NPAS4: variants seen among roughly 807,000 people sequenced by gnomAD.
NPAS4 encodes neuronal PAS domain protein 4, also known as neuronal PAS domain-containing protein 4.
NPAS4 carries 10 observed loss-of-function variants against 64.0 expected under a neutral mutation model. That is an observed-to-expected ratio of 0.16 (90% CI 0.10 to 0.26). The LOEUF (loss-of-function observed/expected upper bound fraction) is 0.26. Ranked by LOEUF, NPAS4 falls within the 10% of genes least tolerant of loss-of-function variation. NPAS4 has a pLI of 1.00. For missense variants in NPAS4, 886 were observed against 992.6 expected, an observed-to-expected ratio of 0.89 and a Z score of 1.44; for synonymous variants, 441 against 411.7, an observed-to-expected ratio of 1.07 and a Z score of -0.86.
In NPAS4 at chr11:66,426,096, G is replaced by A. The variant is rs1856835074; in HGVS notation, c.*107G>A. 1 of 587,170 alleles carries A rather than the reference G, an allele frequency of 1.7e-6. No homozygotes were observed. The highest frequency in any genetic ancestry group is 3.2e-6 in the Non-Finnish European group (1 of 317,234). The allele number at this position is 587,170 out of a possible 1,614,324, so 36.4% of individuals were successfully genotyped here. On this transcript the variant is annotated 3_prime_UTR_variant, in exon 8 of 8. Transcript: ENST00000311034. ...GGGGGGATTCTGAGGGCCAGAGGGG[G>A]ATATATATGATTCCCCAGGCCCTGC...
At chr11:66,414,418 C>T in the NPAS4 span, among the ~76,000 whole-genome samples, 1 of 152,152 alleles carries the variant, frequency 6.6e-6, no homozygotes. Flanking sequence ...CAGGACATTG[C>T]CCACAAAAGT....
At chr11:66,417,882 T>C (rs1188787299), upstream of NPAS4, among the ~76,000 whole-genome samples, 2 of 151,502 alleles carry the variant, frequency 1.3e-5, no homozygotes, top group African/African-American at 4.9e-5. Flanking sequence ...GACTCGCAGC[T>C]ACAAAGACAC....
the NPAS4 span, among the ~76,000 whole-genome samples, chr11:66,413,264 G>A: frequency 3.3e-5 from 5 of 152,384 alleles, no homozygotes; most frequent in South Asian, 1.0e-3. Context: ...ACTCGGCAGA[G>A]GAGAGAGGCA....
Position 66,423,667 on chromosome 11 carries a change from T to G in NPAS4, c.898T>G (p.Ser300Ala). Reference sequence around the variant, plus strand: ...GGCATGGATTTACTGCCTGTTATACTCAGAAGGTCCAGAGGGACCCATTAC... The same window carrying G: ...GGCATGGATTTACTGCCTGTTATACGCAGAAGGTCCAGAGGGACCCATTAC... ...GWAWIYCLLY[S>A]EGPEGPITAN... is the part of the protein sequence containing the mutation. Residue 300 changes from serine to alanine, a missense_variant, in exon 6 of 8, where the codon TCA (serine) becomes GCA (alanine). By Grantham distance (99) the Ser-to-Ala change is moderately conservative. Transcript: ENST00000311034. The G allele has an allele frequency of 6.2e-7, 1 of 1,614,072 alleles. No homozygotes were observed. The highest frequency in any genetic ancestry group is 8.5e-7 in the Non-Finnish European group (1 of 1,180,002).
chr11:66,426,254 A>C lies in NPAS4; in HGVS notation c.*265A>C. 2.4e-6 allele frequency: 1 copy of C among 413,310 alleles called. No homozygotes were observed. The allele number at this position is 413,310 out of a possible 1,614,324, so 25.6% of individuals were successfully genotyped here. On this transcript the variant is annotated 3_prime_UTR_variant, in exon 8 of 8. Coordinates refer to ENST00000311034, the MANE Select transcript of NPAS4 (RefSeq NM_178864.4). ...GTGAGTTTCCTTGAATGGGATTTCAAGCGGAGAATGGGGGAGTCTCACTTC... is the reference window on the plus strand; with the variant it reads ...GTGAGTTTCCTTGAATGGGATTTCACGCGGAGAATGGGGGAGTCTCACTTC...
chr11:66,420,602 C>G (rs1397300902), upstream of NPAS4, among the ~76,000 whole-genome samples: 1 of 152,246 alleles, frequency 6.6e-6, no homozygotes, highest in Non-Finnish European at 1.5e-5. Flanking sequence ...CTGTTCTTCC[C>G]CATTCCCTCA....
chr11:66,410,320 T>C, the NPAS4 span: 1 of 152,232 alleles, frequency 6.6e-6, no homozygotes, highest in South Asian at 2.1e-4. Flanking sequence ...GCTCCGAGGG[T>C]GGCAAGGAGA....
upstream of NPAS4, among the ~76,000 whole-genome samples, chr11:66,420,763 C>G (rs964656494): frequency 3.9e-5 from 6 of 152,248 alleles, no homozygotes; most frequent in African/African-American, 1.4e-4. Context: ...TTCAAGCTTT[C>G]CTAACGCAGC....
rs779902312 is a variant in NPAS4 at position 66,425,231 on chromosome 11, C to T, written c.2341C>T (p.His781Tyr). 2.0e-6 allele frequency: 3 copies of T among 1,524,732 alleles called. No homozygotes were observed. The highest frequency in any genetic ancestry group is 4.5e-5 in the Admixed American group (2 of 44,362). 94.5% of individuals were successfully genotyped at this position (1,524,732 alleles called of 1,614,324 possible). ...FPYDGFTDEL[H>Y]QLQSQVQDSF... is the part of the protein sequence containing the mutation. ...CTATGATGGGTTTACTGATGAGTTG[C>T]ATCAACTCCAGAGCCAAGTTCAAGA... is the stretch of plus-strand genomic sequence containing the variant. Residue 781 changes from histidine (H) to tyrosine (Y), a missense_variant, in exon 7 of 8, where the codon CAT becomes TAT. His to Tyr is a moderately conservative substitution (Grantham distance 83). This residue lies in a region of NPAS4 where 28 missense variants were observed against 57.0 expected (regional missense o/e 0.49). Transcript: ENST00000311034.
At position 66,426,103 on chromosome 11, in the gene NPAS4, A is replaced by T; in HGVS notation, c.*114A>T. 2 of 508,584 alleles carry T rather than the reference A, an allele frequency of 3.9e-6. No individual in the cohort carries two copies. The highest frequency in any genetic ancestry group is 7.6e-6 in the Non-Finnish European group (2 of 261,740). The allele number at this position is 508,584 out of a possible 1,614,324, so 31.5% of individuals were successfully genotyped here. The stretch of plus-strand genomic sequence containing the variant: ...TTCTGAGGGCCAGAGGGGGATATAT[A>T]TGATTCCCCAGGCCCTGCAGGATTT... On this transcript the variant is annotated 3_prime_UTR_variant, in exon 8 of 8. Transcript: ENST00000311034.
intron 2 of NPAS4, 34 bp from the exon 3 acceptor site, chr11:66,422,417 C>G: frequency 6.5e-7 from 1 of 1,534,026 alleles, no homozygotes; most frequent in South Asian, 1.1e-5. Flanking sequence ...CTGCTGTTCT[C>G]CCTAATGGTC....
At chr11:66,411,500 C>T in the NPAS4 span, among the ~76,000 whole-genome samples, 7 of 152,336 alleles carry the variant, frequency 4.6e-5, no homozygotes, top group South Asian at 1.0e-3. Flanking sequence ...GAGCTCAGCT[C>T]GTCTTCTTCC....
rs747292387 is a variant in NPAS4 at position 66,423,665 on chromosome 11, A to G, written c.896A>G (p.Tyr299Cys). Residue 299 changes from tyrosine to cysteine, a missense_variant, in exon 6 of 8, where the codon TAC becomes TGC. By Grantham distance (194) the Tyr-to-Cys change is radical. Around this residue, in one of 3 missense-constraint regions of NPAS4, gnomAD observed 820 missense variants for 855.5 expected, o/e 0.96. Coordinates refer to ENST00000311034, the MANE Select transcript of NPAS4 (RefSeq NM_178864.4). Reference protein sequence around the residue: ...GGWAWIYCLLYSEGPEGPITA... With the variant: ...GGWAWIYCLLCSEGPEGPITA... Reference sequence around the variant, plus strand: ...TGGGCATGGATTTACTGCCTGTTATACTCAGAAGGTCCAGAGGGACCCATT... The same window carrying G: ...TGGGCATGGATTTACTGCCTGTTATGCTCAGAAGGTCCAGAGGGACCCATT... 1.9e-5 allele frequency: 31 copies of G among 1,614,052 alleles called. No homozygotes were observed. The highest frequency in any genetic ancestry group is 4.0e-5 in the African/African-American group (3 of 74,918).
Position 66,424,512 on chromosome 11 carries a change from A to T in NPAS4, c.1622A>T (p.His541Leu), listed in dbSNP as rs1565241859. ...CCTCCCAGCACAGCATTCCAAGCAC[A>T]CCTGGACAGCCCCAGCCAAACCTTC... ...LTPPSTAFQA[H>L]LDSPSQTFPE... Residue 541 changes from histidine to leucine, a missense_variant, in exon 7 of 8, where the codon CAC becomes CTC. Transcript: ENST00000311034. 2 of 1,614,054 alleles carry T rather than the reference A, an allele frequency of 1.2e-6. No homozygotes were observed. The highest frequency in any genetic ancestry group is 1.1e-5 in the South Asian group (1 of 91,084).
chr11:66,423,478 A>T (rs1856785437), intron 5 of NPAS4, 100 bp from the exon 6 acceptor site: 2 of 1,395,616 alleles, frequency 1.4e-6, no homozygotes, highest in African/African-American at 2.8e-5. Flanking sequence ...AGAAGAGAGG[A>T]TGTCACGGCT....
chr11:66,424,434 G>A lies in NPAS4; in HGVS notation c.1544G>A (p.Ser515Asn). The A allele has an allele frequency of 6.2e-7, 1 of 1,614,082 alleles. No individual in the cohort carries two copies. Among genetic ancestry groups the A allele is most frequent in the Admixed American group, 1.7e-5 (1 of 60,014 alleles). The change falls in exon 7 of 8, where the codon AGC (serine) becomes AAC (asparagine). Residue 515 changes from serine to asparagine, a missense_variant. Ser to Asn is a conservative substitution (Grantham distance 46). Around this residue, in one of 3 missense-constraint regions of NPAS4, gnomAD observed 820 missense variants for 855.5 expected, o/e 0.96. Transcript: ENST00000311034. Reference sequence around the variant, plus strand: ...ACCTTCCCAGACCAGCTGCTTCCCAGCACAGCCACCTTCCCAGAGCCTCTG... The same window carrying A: ...ACCTTCCCAGACCAGCTGCTTCCCAACACAGCCACCTTCCCAGAGCCTCTG... ...TSTFPDQLLPSTATFPEPLGS... is the reference protein window; with the variant it reads ...TSTFPDQLLPNTATFPEPLGS...
chr11:66,422,155 G>T lies in NPAS4; in HGVS notation c.211G>T (p.Ala71Ser), dbSNP rs750114409. ...GGCGGGCCCCACGGGGCTTCTCTCA[G>T]CTCAAGAGCTTGAGGACATCGTAGC... ...PLAGPTGLLS[A>S]QELEDIVAAL... The change falls in exon 2 of 8, where the codon GCT (alanine) becomes TCT (serine). Residue 71 changes from alanine to serine, a missense_variant. Ala to Ser is a moderately conservative substitution (Grantham distance 99). Coordinates refer to ENST00000311034, the MANE Select transcript of NPAS4 (RefSeq NM_178864.4). The T allele has an allele frequency of 1.2e-6, 2 of 1,614,062 alleles. No individual in the cohort carries two copies. Among genetic ancestry groups the T allele is most frequent in the Admixed American group, 1.7e-5 (1 of 60,014 alleles).
chr11:66,416,555 G>A (rs1285660178), upstream of NPAS4, among the ~76,000 whole-genome samples: 1 of 152,150 alleles, frequency 6.6e-6, no homozygotes, highest in Non-Finnish European at 1.5e-5. Context: ...TTAACCTATG[G>A]CCATAAGTTA....
rs1461243977 is a variant in NPAS4 at position 66,425,070 on chromosome 11, G to T, written c.2180G>T (p.Gly727Val). ...LSTPDPSEEW[G>V]SGDPEAEGPG... ...ACCCCAGATCCCAGTGAGGAATGGG[G>T]CTCAGGGGATCCTGAGGCAGAGGGC... is the stretch of plus-strand genomic sequence containing the variant. The change falls in exon 7 of 8, where the codon GGC becomes GTC. Residue 727 changes from glycine to valine, a missense_variant. Physicochemically the swap from Gly to Val is moderately radical, Grantham distance 109. Coordinates refer to ENST00000311034, the MANE Select transcript of NPAS4 (RefSeq NM_178864.4). 6.2e-6 allele frequency: 10 copies of T among 1,606,194 alleles called. No homozygotes were observed. Among genetic ancestry groups the T allele is most frequent in the African/African-American group, 1.3e-5 (1 of 74,700 alleles).
Sources: allele counts gnomAD v4.1 joint callset (sites outside exome capture counted in the v4.1 genomes callset), GRCh38; gene constraint gnomAD v4.1.1; regional missense constraint gnomAD v4.1.1; transcripts MANE v1.5; gene names NCBI Gene and HGNC (gene_info 2026-07-23, HGNC 2026-07-21).